OTUD7B: variants seen among roughly 807,000 people sequenced by gnomAD.
OTUD7B encodes OTU domain-containing protein 7B.
In OTUD7B, 34 loss-of-function variants were observed where a neutral mutation model predicts 82.2. The observed-to-expected ratio is 0.41, with a 90% CI of 0.31 to 0.55. The LOEUF (loss-of-function observed/expected upper bound fraction) is 0.55, where lower values mean the gene tolerates loss of function less well. Among genes scored for constraint, OTUD7B ranks in the 20% least tolerant of loss-of-function variants. The probability of loss-of-function intolerance (pLI) is 0.20; values close to 1 mark genes in which losing one functional copy is unlikely to be tolerated. For synonymous variants in OTUD7B, 398 were observed against 402.7 expected, an observed-to-expected ratio of 0.99 and a Z score of 0.14; for missense variants, 944 against 1,062.1, an observed-to-expected ratio of 0.89 and a Z score of 1.55.
the OTUD7B span, among the ~76,000 whole-genome samples, chr1:150,046,915 A>G: frequency 6.6e-6 from 1 of 151,986 alleles, no homozygotes; most frequent in Non-Finnish European, 1.5e-5. Context: ...TACTAAAAAT[A>G]CAAAAATTAA....
chr1:149,977,216 G>A (rs1218249348), intron 2 of OTUD7B, among the ~76,000 whole-genome samples: 2 of 152,098 alleles, frequency 1.3e-5, no homozygotes, highest in African/African-American at 2.4e-5. Context: ...ACTGACAATG[G>A]AGAAAACTAC....
At chr1:149,982,027 T>C (rs1650771575) in intron 1 of OTUD7B, among the ~76,000 whole-genome samples, 2 of 152,118 alleles carry the variant, frequency 1.3e-5, no homozygotes, top group African/African-American at 4.8e-5. Context: ...CGGACGCCTG[T>C]AGTCCCAGCT....
At chr1:150,050,147 T>C in the OTUD7B span, among the ~76,000 whole-genome samples, 1 of 152,032 alleles carries the variant, frequency 6.6e-6, no homozygotes, top group Non-Finnish European at 1.5e-5. Context: ...TGAGCCATGA[T>C]TGCGCCACTG....
chr1:150,014,629 T>C (rs1162421102), upstream of OTUD7B, among the ~76,000 whole-genome samples: 2 of 152,036 alleles, frequency 1.3e-5, no homozygotes, highest in African/African-American at 4.8e-5. Flanking sequence ...TACAATGGAG[T>C]ACAAATTTAA....
At position 149,938,543 on chromosome 1, in the gene OTUD7B, C is replaced by G. The variant is rs1229069537; in HGVS notation, c.*5314G>C. The G allele has an allele frequency of 6.7e-6, 1 of 149,998 alleles. No homozygotes were observed. The highest frequency in any genetic ancestry group is 1.5e-5 in the Non-Finnish European group (1 of 67,766). The allele number at this position is 149,998 out of a possible 1,614,324, so 9.3% of individuals were successfully genotyped here. On this transcript the variant is annotated 3_prime_UTR_variant, in exon 12 of 12. Transcript: ENST00000581312. ...CCATTATCCACTTTCCTTCTCACCA[C>G]CATCCTTCATTCAAGAGCCTCATTC...
At chr1:149,945,952 C>A (rs1553771972) in intron 11 of OTUD7B, among the ~76,000 whole-genome samples, 1 of 151,802 alleles carries the variant, frequency 6.6e-6, no homozygotes, top group Non-Finnish European at 1.5e-5. Context: ...CCCAGCTACT[C>A]AGGAGGCTGA....
the OTUD7B span, among the ~76,000 whole-genome samples, chr1:150,049,499 C>T: frequency 1.3e-5 from 2 of 152,076 alleles, no homozygotes; most frequent in South Asian, 4.1e-4. Flanking sequence ...TTGTCATTTA[C>T]AGTATAATTT....
At chr1:150,039,494 C>T in the OTUD7B span, among the ~76,000 whole-genome samples, 6 of 152,248 alleles carry the variant, frequency 3.9e-5, no homozygotes, top group East Asian at 1.9e-4. Flanking sequence ...TCTCCTGCCT[C>T]GGCCTCCCAG....
intron 1 of OTUD7B, among the ~76,000 whole-genome samples, chr1:149,997,614 A>G (rs1302101810): frequency 6.6e-6 from 1 of 152,174 alleles, no homozygotes; most frequent in African/African-American, 2.4e-5. Context: ...ATCTAAAGAA[A>G]TCTTTCCCCT....
chr1:149,950,017 C>T, intron 8 of OTUD7B, 77 bp downstream of exon 8: 8 of 1,574,584 alleles, frequency 5.1e-6, no homozygotes, highest in Non-Finnish European at 6.0e-6. Context: ...CCTTTCCTGC[C>T]TTCCTTCCAA....
rs1166098299 is a variant in OTUD7B, at chr1:149,992,467, GTTTTTTTT to G, written c.-66-14899_-66-14892del. On this transcript the variant is annotated intron_variant, in intron 1 of 11. Coordinates refer to ENST00000581312, the MANE Select transcript of OTUD7B (RefSeq NM_020205.4). ...TATCTAAATTGTTTTGTGTGCATGT[GTTTTTTTT>G]TTTTTTTTTTTTTTTTTTAGTACAG... Among the ~76,000 whole-genome samples, 57 of 61,572 alleles carry G rather than the reference GTTTTTTTT, an allele frequency of 9.3e-4. 1 individual carries two copies. Among genetic ancestry groups the G allele is most frequent in the African/African-American group, 3.3e-3 (50 of 14,928 alleles). The allele number at this position is 61,572 out of a possible 152,430, so 40.4% of individuals were successfully genotyped here.
At chr1:149,970,453 G>A (rs1649837970) in intron 3 of OTUD7B, among the ~76,000 whole-genome samples, 1 of 151,734 alleles carries the variant, frequency 6.6e-6, no homozygotes, top group Non-Finnish European at 1.5e-5. Flanking sequence ...CAAGTAGCTG[G>A]GATTATAGGC....
rs1553770121 is a variant in OTUD7B at position 149,940,214 on chromosome 1, T to C, written c.*3643A>G. ...GTTTGTCTGTGGGCCTTAGTTTCGC[T>C]TGATAGAAAAAAAAAAACTGAGCTA... On this transcript the variant is annotated 3_prime_UTR_variant, in exon 12 of 12. Transcript: ENST00000581312. 1 of 127,060 alleles carries C rather than the reference T, an allele frequency of 7.9e-6. No individual in the cohort carries two copies. The highest frequency in any genetic ancestry group is 1.6e-5 in the Non-Finnish European group (1 of 61,770). 7.9% of individuals were successfully genotyped at this position (127,060 alleles called of 1,614,324 possible).
upstream of OTUD7B, among the ~76,000 whole-genome samples, chr1:150,010,878 T>C (rs587720526): frequency 5.3e-5 from 8 of 152,238 alleles, no homozygotes; most frequent in South Asian, 1.7e-3. Flanking sequence ...GTTTGGCGCT[T>C]GCCCCGCGCG....
At chr1:150,020,506 C>T in the OTUD7B span, among the ~76,000 whole-genome samples, 1 of 152,118 alleles carries the variant, frequency 6.6e-6, no homozygotes, top group Non-Finnish European at 1.5e-5. Context: ...CACTGCACTC[C>T]AGCCTGGGTG....
chr1:149,990,376 T>G (rs1219123825), intron 1 of OTUD7B, among the ~76,000 whole-genome samples: 1 of 152,246 alleles, frequency 6.6e-6, no homozygotes, highest in Non-Finnish European at 1.5e-5. Flanking sequence ...TAGCACATAG[T>G]AGATGCCTAG....
At chr1:149,957,705 CTTTG>C (rs1648792227) in intron 7 of OTUD7B, among the ~76,000 whole-genome samples, 1 of 152,212 alleles carries the variant, frequency 6.6e-6, no homozygotes, top group Non-Finnish European at 1.5e-5. Flanking sequence ...TTCCCGGCCG[CTTTG>C]TTTACCTACT....
chr1:149,969,890 C>G (rs1322678808), intron 3 of OTUD7B, among the ~76,000 whole-genome samples: 1 of 151,774 alleles, frequency 6.6e-6, no homozygotes, highest in Non-Finnish European at 1.5e-5. Flanking sequence ...TTAGCAGAGA[C>G]AGGGTTTCAC....
At chr1:150,049,976 C>G in the OTUD7B span, among the ~76,000 whole-genome samples, 1 of 152,058 alleles carries the variant, frequency 6.6e-6, no homozygotes, top group Admixed American at 6.6e-5. Context: ...CTTTGGGAGG[C>G]TGAGGCAGGA....
Sources: gnomAD v4.1 joint callset for allele counts (sites outside exome capture counted in the v4.1 genomes callset) on GRCh38, gnomAD v4.1.1 for gene constraint, MANE v1.5 for transcripts, NCBI Gene and HGNC (gene_info 2026-07-23, HGNC 2026-07-21) for gene names.